Variants in PDE11A observed in about 807,000 individuals in gnomAD.
The protein encoded by PDE11A is dual 3',5'-cyclic-AMP and -GMP phosphodiesterase 11A.
PDE11A carries 100 observed loss-of-function variants against 100.5 expected under a neutral mutation model. The observed-to-expected ratio is 1.00, with a 90% confidence interval of 0.85 to 1.18. PDE11A has a LOEUF of 1.18. Ranked by LOEUF, PDE11A falls within the 50% of genes most tolerant of loss-of-function variation. PDE11A has a pLI of 0.00. For synonymous variants in PDE11A, 381 were observed against 420.8 expected, an observed-to-expected ratio of 0.91 and a Z score of 1.16; for missense variants, 1,141 against 1,152.6, an observed-to-expected ratio of 0.99 and a Z score of 0.15.
intron 5 of PDE11A, among the ~76,000 whole-genome samples, chr2:177,870,931 A>C (rs944501634): frequency 6.6e-6 from 1 of 152,214 alleles, no homozygotes; most frequent in Admixed American, 6.6e-5. Context: ...CATTCTGGAA[A>C]TAGAACCTCT....
chr2:177,769,624 G>A (rs545346354), intron 9 of PDE11A, among the ~76,000 whole-genome samples: 69 of 152,002 alleles, frequency 4.5e-4, no homozygotes, highest in Non-Finnish European at 8.8e-4. Flanking sequence ...GCAGTGCTTC[G>A]CGCCTGTAAT....
chr2:177,991,122 G>A (rs376506236), intron 2 of PDE11A, among the ~76,000 whole-genome samples: 2 of 150,846 alleles, frequency 1.3e-5, no homozygotes, highest in African/African-American at 2.4e-5. Flanking sequence ...TCAGGAGTTC[G>A]AGATTAGCCT....
At chr2:178,001,037 C>T (rs1453953554) in intron 2 of PDE11A, among the ~76,000 whole-genome samples, 2 of 151,488 alleles carry the variant, frequency 1.3e-5, no homozygotes, top group African/African-American at 4.8e-5. Context: ...ACCCTGGACA[C>T]ATTTTTAAAA....
At chr2:177,751,972 A>G (rs1450339916) in intron 10 of PDE11A, among the ~76,000 whole-genome samples, 1 of 152,148 alleles carries the variant, frequency 6.6e-6, no homozygotes, top group African/African-American at 2.4e-5. Flanking sequence ...CTACAGTGGG[A>G]CGTGAGACAG....
At chr2:177,814,787 G>C (rs1451041358) in intron 9 of PDE11A, among the ~76,000 whole-genome samples, 1 of 152,198 alleles carries the variant, frequency 6.6e-6, no homozygotes, top group Non-Finnish European at 1.5e-5. Flanking sequence ...ACTGGGGCCA[G>C]AAATTCTAGG....
At chr2:177,659,791 T>TCC (rs1163546271) in intron 19 of PDE11A, among the ~76,000 whole-genome samples, 5 of 145,578 alleles carry the variant, frequency 3.4e-5, no homozygotes, top group Non-Finnish European at 4.4e-5. Flanking sequence ...TTTTTTTTTT[T>TCC]CCCCCTCCAA....
At chr2:178,015,291 T>C (rs1574342586) in intron 1 of PDE11A, among the ~76,000 whole-genome samples, 1 of 152,152 alleles carries the variant, frequency 6.6e-6, no homozygotes, top group South Asian at 2.1e-4. Flanking sequence ...TCACCAAGAA[T>C]ACAGTGTTCT....
intron 1 of PDE11A, among the ~76,000 whole-genome samples, chr2:178,048,286 C>T (rs747436742): frequency 1.3e-5 from 2 of 151,606 alleles, no homozygotes; most frequent in Admixed American, 1.3e-4. Context: ...CTGGCTTGGG[C>T]AACTGAAGAT....
chr2:177,931,686 C>T (rs1241012397), intron 2 of PDE11A, among the ~76,000 whole-genome samples: 1 of 151,932 alleles, frequency 6.6e-6, no homozygotes, highest in Admixed American at 6.6e-5. Context: ...TAAACGTCTA[C>T]CTCAAAAAGT....
chr2:177,776,730 G>A (rs1478751753), intron 9 of PDE11A, among the ~76,000 whole-genome samples: 1 of 152,134 alleles, frequency 6.6e-6, no homozygotes, highest in Non-Finnish European at 1.5e-5. Flanking sequence ...AGAAATAGAA[G>A]ACCAGGTGAG....
chr2:177,703,513 T>C (rs2081232055), intron 13 of PDE11A, among the ~76,000 whole-genome samples: 1 of 152,218 alleles, frequency 6.6e-6, no homozygotes, highest in South Asian at 2.1e-4. Context: ...TGAAAGAAGA[T>C]TTCAAAATCT....
At chr2:177,716,083 C>G (rs1402880018) in intron 12 of PDE11A, among the ~76,000 whole-genome samples, 1 of 152,238 alleles carries the variant, frequency 6.6e-6, no homozygotes, top group African/African-American at 2.4e-5. Flanking sequence ...AGAACTGTAG[C>G]TGTCCACCTG....
intron 6 of PDE11A, among the ~76,000 whole-genome samples, chr2:177,833,019 TA>T (rs970962316): frequency 3.0e-4 from 45 of 152,266 alleles, no homozygotes; most frequent in Admixed American, 2.7e-3. Context: ...AAGCTTTTTT[TA>T]AAAAAACTTT....
chr2:177,883,607 G>C (rs143405389), intron 4 of PDE11A, among the ~76,000 whole-genome samples: 315 of 152,274 alleles, frequency 2.1e-3, no homozygotes, highest in African/African-American at 7.1e-3. Context: ...GCTGACAAGT[G>C]GGGGAAGTTT....
intron 2 of PDE11A, 75 bp downstream of exon 2, chr2:178,014,227 T>C: frequency 8.9e-7 from 1 of 1,129,256 alleles, no homozygotes. Context: ...TTCACATAAT[T>C]CCTGTCTTTT....
chr2:177,834,433 A>G (rs568875739), intron 6 of PDE11A, among the ~76,000 whole-genome samples: 16 of 151,988 alleles, frequency 1.1e-4, no homozygotes, highest in Admixed American at 9.2e-4. Flanking sequence ...TTTTTGGGGG[A>G]ATGTATTGGC....
chr2:177,772,663 G>T (rs1236915759), intron 9 of PDE11A, among the ~76,000 whole-genome samples: 4 of 151,314 alleles, frequency 2.6e-5, no homozygotes, highest in Non-Finnish European at 4.4e-5. Flanking sequence ...ATGCCACCAG[G>T]TGGTGCTTAG....
intron 4 of PDE11A, among the ~76,000 whole-genome samples, chr2:177,890,988 T>C (rs1382693269): frequency 1.3e-5 from 2 of 152,194 alleles, no homozygotes; most frequent in African/African-American, 4.8e-5. Flanking sequence ...AAACACTACA[T>C]AGAATTTCAT....
At chr2:177,910,239 A>G (rs1431647199) in intron 2 of PDE11A, among the ~76,000 whole-genome samples, 2 of 152,248 alleles carry the variant, frequency 1.3e-5, no homozygotes, top group South Asian at 2.1e-4. Context: ...ATGTATACGC[A>G]TATGACAGTA....
Sources: allele counts gnomAD v4.1 joint callset (sites outside exome capture counted in the v4.1 genomes callset), GRCh38; gene constraint gnomAD v4.1.1; transcripts MANE v1.5; gene names NCBI Gene and HGNC (gene_info 2026-07-23, HGNC 2026-07-21).